C9orf72: variants seen among roughly 807,000 people sequenced by gnomAD.
C9orf72 encodes the protein C9orf72-SMCR8 complex subunit.
C9orf72 carries 44 observed loss-of-function variants against 51.6 expected under a neutral mutation model. The ratio of observed to expected loss-of-function variants is 0.85; its 90% CI spans 0.67 to 1.10. The LOEUF is 1.10. Among genes scored for constraint, C9orf72 ranks in the 50% least tolerant of loss-of-function variants. The pLI, the probability that C9orf72 is intolerant of heterozygous loss-of-function variation, is 0.00. For missense variants in C9orf72, 607 were observed against 570.6 expected (o/e 1.06, Z -0.65); for synonymous variants, 213 against 194.2 (o/e 1.10, Z -0.81).
chr9:27,562,460 G>A lies in C9orf72; in HGVS notation c.521C>T (p.Pro174Leu). The change falls in exon 4 of 11, where the codon CCA (proline) becomes CTA (leucine). Residue 174 changes from proline to leucine, a missense_variant. Physicochemically the swap from Pro to Leu is moderately conservative, Grantham distance 98. Coordinates refer to ENST00000380003, the MANE Select transcript of C9orf72 (RefSeq NM_018325.5). ...RMEDQGQSII[P>L]MLTGEVIPVM... ...AGGAATCACTTCTCCAGTAAGCATT[G>A]GAATAATACTCTGACCCTGCACAAT... 1.9e-6 allele frequency: 3 copies of A among 1,578,438 alleles called. No homozygotes were observed. The highest frequency in any genetic ancestry group is 2.6e-6 in the Non-Finnish European group (3 of 1,158,194).
chr9:27,561,051 T>C (rs774359), intron 5 of C9orf72: 41,618 of 179,578 alleles, frequency 0.23, 5,012 homozygotes, highest in Middle Eastern at 0.32. Context: ...ATAACAACCC[T>C]ACACATTAGG....
rs41272887 is a variant in C9orf72, at chr9:27,547,178, C to A, written c.*1058G>T. 2.1e-3 allele frequency: 313 copies of A among 152,620 alleles called. 2 individuals carry two copies. The highest frequency in any genetic ancestry group is 3.3e-3 in the Non-Finnish European group (224 of 68,002). The allele number at this position is 152,620 out of a possible 1,614,324, so 9.5% of individuals were successfully genotyped here. ...AATTTCTCCTGCTATTCCTTATAGCCTATTGCAGGCAAACAGCAACAACTT... is the reference window on the plus strand; with the variant it reads ...AATTTCTCCTGCTATTCCTTATAGCATATTGCAGGCAAACAGCAACAACTT... On this transcript the variant is annotated 3_prime_UTR_variant, in exon 11 of 11. Coordinates refer to ENST00000380003, the MANE Select transcript of C9orf72 (RefSeq NM_018325.5).
At chr9:27,564,139 C>T (rs768519316) in intron 3 of C9orf72, among the ~76,000 whole-genome samples, 1 of 133,220 alleles carries the variant, frequency 7.5e-6, no homozygotes, top group African/African-American at 2.9e-5. Context: ...AATAGCCTCA[C>T]TGAAGCTCAA....
chr9:27,565,528 T>A lies in C9orf72; in HGVS notation c.504+3A>T. On this transcript the variant is annotated splice_donor_region_variant and intron_variant, in intron 3 of 10. Transcript: ENST00000380003. ...CATTTGACAGTATGCAATTTGCATATACCTGATCTTCCATTCTCTCTGTGC... is the reference window on the plus strand; with the variant it reads ...CATTTGACAGTATGCAATTTGCATAAACCTGATCTTCCATTCTCTCTGTGC... 1 of 1,581,728 alleles carries A rather than the reference T, an allele frequency of 6.3e-7. No individual in the cohort carries two copies. Among genetic ancestry groups the A allele is most frequent in the Non-Finnish European group, 8.7e-7 (1 of 1,152,268 alleles).
chr9:27,555,436 T>C (rs1820989112), intron 8 of C9orf72, among the ~76,000 whole-genome samples: 3 of 152,216 alleles, frequency 2.0e-5, no homozygotes, highest in Non-Finnish European at 4.4e-5. Context: ...CTCAAACTGA[T>C]TCTGTAGATA....
chr9:27,569,058 G>C (rs971111638), intron 1 of C9orf72, among the ~76,000 whole-genome samples: 7 of 150,178 alleles, frequency 4.7e-5, no homozygotes, highest in Admixed American at 1.3e-4. Context: ...GTGTGTTTTA[G>C]TTTTTAACAA....
chr9:27,567,901 A>C (rs971066456), intron 1 of C9orf72, among the ~76,000 whole-genome samples: 1 of 152,112 alleles, frequency 6.6e-6, no homozygotes, highest in African/African-American at 2.4e-5. Context: ...GAGGCAAGGA[A>C]AGAGTCTTCT....
Position 27,548,646 on chromosome 9 carries a change from G to A in C9orf72, c.1170C>T (p.Gly390=). 1 of 1,610,492 alleles carries A rather than the reference G, an allele frequency of 6.2e-7. No homozygotes were observed. The highest frequency in any genetic ancestry group is 8.5e-7 in the Non-Finnish European group (1 of 1,176,844). The part of the protein sequence containing the change: ...FLDQVFQLKP[G]LSLRSTFLAQ... ...CAAGGAAAGTACTTCTGAGAGATAAGCCAGGTTTCAGCTGAAAGACCTGCA... is the reference window on the plus strand; with the variant it reads ...CAAGGAAAGTACTTCTGAGAGATAAACCAGGTTTCAGCTGAAAGACCTGCA... Residue 390 remains glycine (G), a synonymous_variant, in exon 10 of 11, where the codon GGC becomes GGT. Coordinates refer to ENST00000380003, the MANE Select transcript of C9orf72 (RefSeq NM_018325.5).
At chr9:27,560,904 A>G in intron 5 of C9orf72, 2 of 364,480 alleles carry the variant, frequency 5.5e-6, no homozygotes, top group African/African-American at 2.2e-5. Flanking sequence ...AGGAACTAAC[A>G]TGTAGGCACT....
chr9:27,565,396 T>G (rs1819443881), intron 3 of C9orf72, 135 bp downstream of exon 3: 1 of 445,188 alleles, frequency 2.2e-6, no homozygotes, highest in Non-Finnish European at 4.0e-6. Flanking sequence ...TCCTCCAGTT[T>G]ATTCTGTACA....
intron 1 of C9orf72, among the ~76,000 whole-genome samples, chr9:27,568,994 T>G (rs1819530442): frequency 6.6e-6 from 1 of 151,888 alleles, no homozygotes; most frequent in Non-Finnish European, 1.5e-5. Flanking sequence ...GGCAGTGAGG[T>G]GGAAGGGAGT....
intron 7 of C9orf72, among the ~76,000 whole-genome samples, chr9:27,558,257 T>TAA (rs1386653802): frequency 2.0e-5 from 3 of 150,598 alleles, no homozygotes; most frequent in Non-Finnish European, 4.4e-5. Flanking sequence ...AGGCTAGACA[T>TAA]GTAGGAACAG....
At chr9:27,549,852 T>C (rs1587298603) in intron 9 of C9orf72, among the ~76,000 whole-genome samples, 2 of 151,452 alleles carry the variant, frequency 1.3e-5, no homozygotes, top group East Asian at 3.9e-4. Context: ...TATGGAATGC[T>C]GCACTCTTAA....
At chr9:27,558,753 A>T in intron 6 of C9orf72, 146 bp from the exon 7 acceptor site, 1 of 530,364 alleles carries the variant, frequency 1.9e-6, no homozygotes, top group Non-Finnish European at 3.3e-6. Flanking sequence ...AATCCATGGG[A>T]TGTAACAGTT....
chr9:27,561,221 A>G (rs902750563), intron 5 of C9orf72: 63 of 1,043,760 alleles, frequency 6.0e-5, no homozygotes, highest in Non-Finnish European at 7.1e-5. Flanking sequence ...AGATCAGTAT[A>G]AATATGAATA....
chr9:27,551,200 T>C (rs921423698), intron 8 of C9orf72, among the ~76,000 whole-genome samples: 3 of 152,168 alleles, frequency 2.0e-5, no homozygotes, highest in African/African-American at 7.2e-5. Context: ...CTCCGATGAT[T>C]ATCCACTGGG....
At chr9:27,562,319 CATA>C (rs780257299) in intron 4 of C9orf72, 59 bp downstream of exon 4, 53 of 635,414 alleles carry the variant, frequency 8.3e-5, no homozygotes, top group Non-Finnish European at 1.2e-4. Context: ...TAATAATATA[CATA>C]ATAATACTAT....
chr9:27,561,470 T>TTG, intron 5 of C9orf72, 115 bp downstream of exon 5: 1 of 1,489,162 alleles, frequency 6.7e-7, no homozygotes. Flanking sequence ...ATACGTAATG[T>TTG]CCCTAGAACA....
In C9orf72 at chr9:27,566,599, A is replaced by G. The variant is rs139994654; in HGVS notation, c.444+78T>C. 9.8e-4 allele frequency: 1,012 copies of G among 1,030,942 alleles called. 7 individuals are homozygous for G. The African/African-American group carries it at 0.014, about 15-fold the overall frequency. 63.9% of individuals were successfully genotyped at this position (1,030,942 alleles called of 1,614,324 possible). A position where few individuals can be genotyped will look rare whatever the true frequency, so the allele number is the denominator to read the frequency against. On this transcript the variant is annotated intron_variant, in intron 2 of 10. Coordinates refer to ENST00000380003, the MANE Select transcript of C9orf72 (RefSeq NM_018325.5). ...TGATGTTCACTGCATATAATTAAAA[A>G]AATAAGATTTATATGTACCAGAAAA...
Sources: allele counts gnomAD v4.1 joint callset (sites outside exome capture counted in the v4.1 genomes callset), GRCh38; gene constraint gnomAD v4.1.1; transcripts MANE v1.5; gene names NCBI Gene and HGNC (gene_info 2026-07-23, HGNC 2026-07-21).